METTL9: variants seen among roughly 807,000 people sequenced by gnomAD.
The protein encoded by METTL9 is methyltransferase 9, His-X-His N1(pi)-histidine.
Under a neutral mutation model 36.0 loss-of-function variants are expected in METTL9, and 10 were observed. The ratio of observed to expected loss-of-function variants is 0.28; its 90% CI spans 0.17 to 0.47. The LOEUF (loss-of-function observed/expected upper bound fraction) is 0.47, where lower values mean the gene tolerates loss of function less well. Ranked by LOEUF, METTL9 falls within the 20% of genes least tolerant of loss-of-function variation. The probability of loss-of-function intolerance (pLI) is 0.99; values close to 1 mark genes in which losing one functional copy is unlikely to be tolerated. For synonymous variants in METTL9, 175 were observed against 149.7 expected (o/e 1.17, Z -1.23); for missense variants, 246 against 383.5 (o/e 0.64, Z 3.00).
intron 2 of METTL9, among the ~76,000 whole-genome samples, chr16:21,613,699 G>T (rs72782875): frequency 6.6e-6 from 1 of 152,126 alleles, no homozygotes; most frequent in African/African-American, 2.4e-5. Context: ...GGCTTATTTT[G>T]AGTGAAGAGT....
At chr16:21,643,640 C>G in intron 4 of METTL9, 2 of 1,364,276 alleles carry the variant, frequency 1.5e-6, no homozygotes, top group Non-Finnish European at 2.1e-6. Flanking sequence ...ATTTTATGTA[C>G]TCATAACAAT....
At chr16:21,649,304 A>G (rs1286022346) in intron 4 of METTL9, among the ~76,000 whole-genome samples, 2 of 152,018 alleles carry the variant, frequency 1.3e-5, no homozygotes, top group African/African-American at 4.8e-5. Flanking sequence ...TCTTCTCATC[A>G]TGTTATATTT....
intron 4 of METTL9, chr16:21,647,496 TG>T: frequency 1.2e-6 from 2 of 1,604,948 alleles, no homozygotes; most frequent in South Asian, 2.2e-5. Flanking sequence ...ACAGCACCTG[TG>T]GGAGGAAGCA....
At chr16:21,611,316 T>TA (rs150285828) in intron 1 of METTL9, among the ~76,000 whole-genome samples, 1 of 152,328 alleles carries the variant, frequency 6.6e-6, no homozygotes, top group East Asian at 1.9e-4. Context: ...TCAGGAATGT[T>TA]ACTTAAGATT....
intron 4 of METTL9, chr16:21,643,027 G>C (rs367715461): frequency 7.7e-7 from 1 of 1,306,750 alleles, no homozygotes. Flanking sequence ...TTTTTCAAAC[G>C]TGCTTTATAT....
chr16:21,630,908 C>T (rs1341345231), intron 4 of METTL9, among the ~76,000 whole-genome samples: 4 of 152,102 alleles, frequency 2.6e-5, no homozygotes, highest in Non-Finnish European at 4.4e-5. Context: ...TTTCAGAAGC[C>T]TTTTCCTGTA....
In METTL9 at chr16:21,625,297, T is replaced by C. The variant is rs1965793390; in HGVS notation, c.751+182T>C. 3 of 649,712 alleles carry C rather than the reference T, an allele frequency of 4.6e-6. No homozygotes were observed. In the South Asian group the frequency reaches 5.6e-5, roughly 12 times the overall value. The allele number at this position is 649,712 out of a possible 1,614,324, so 40.2% of individuals were successfully genotyped here. A position where few individuals can be genotyped will look rare whatever the true frequency, so the allele number is the denominator to read the frequency against. ...AATGTTCACCTTAAGGTGGACTTTATAGAGGTCTAGCATTCCCCTTGCAGT... is the reference window on the plus strand; with the variant it reads ...AATGTTCACCTTAAGGTGGACTTTACAGAGGTCTAGCATTCCCCTTGCAGT... On this transcript the variant is annotated intron_variant, in intron 4 of 4. Transcript: ENST00000358154.
intron 3 of METTL9, 142 bp downstream of exon 3, chr16:21,618,216 C>T: frequency 1.4e-6 from 1 of 731,126 alleles, no homozygotes; most frequent in East Asian, 3.1e-5. Context: ...AAATAATCTT[C>T]TGGTAGCAGT....
intron 4 of METTL9, chr16:21,627,260 G>A (rs1965836634): frequency 1.0e-6 from 1 of 984,784 alleles, no homozygotes; most frequent in South Asian, 4.7e-5. Context: ...ACTGTTGGAG[G>A]ATATCTGAGT....
chr16:21,634,983 C>T (rs1195925508), intron 4 of METTL9, among the ~76,000 whole-genome samples: 2 of 152,256 alleles, frequency 1.3e-5, no homozygotes, highest in East Asian at 3.9e-4. Context: ...GGCTGGCTGA[C>T]CAGTAGGGAA....
At chr16:21,642,059 T>TG in intron 4 of METTL9, 1 of 152,514 alleles carries the variant, frequency 6.6e-6, no homozygotes, top group Non-Finnish European at 1.5e-5. Context: ...TTTTAGCGCT[T>TG]GCTTTGGCAG....
At chr16:21,610,286 ATGT>A (rs1965397331) in intron 1 of METTL9, among the ~76,000 whole-genome samples, 1 of 152,192 alleles carries the variant, frequency 6.6e-6, no homozygotes, top group African/African-American at 2.4e-5. Context: ...ACTTAGCATA[ATGT>A]TGTCAAGGTT....
At chr16:21,620,430 C>G (rs1206631173) in intron 3 of METTL9, among the ~76,000 whole-genome samples, 1 of 152,004 alleles carries the variant, frequency 6.6e-6, no homozygotes, top group Non-Finnish European at 1.5e-5. Context: ...AATCTGATTC[C>G]ACCTCCCCCC....
intron 4 of METTL9, chr16:21,652,643 A>C: frequency 6.6e-7 from 1 of 1,508,570 alleles, no homozygotes; most frequent in Non-Finnish European, 9.1e-7. Context: ...TTGAAAGGAA[A>C]GTTGGCTTTC....
intron 1 of METTL9, among the ~76,000 whole-genome samples, chr16:21,608,579 G>A (rs1051941415): frequency 1.3e-5 from 2 of 152,118 alleles, no homozygotes; most frequent in African/African-American, 4.8e-5. Flanking sequence ...CCATGTATGG[G>A]TTCTCAAGCA....
At chr16:21,614,433 T>C (rs1965504497) in intron 2 of METTL9, among the ~76,000 whole-genome samples, 1 of 152,174 alleles carries the variant, frequency 6.6e-6, no homozygotes, top group African/African-American at 2.4e-5. Context: ...TAAAATTCCG[T>C]GCTCTAGAAT....
At chr16:21,614,500 C>G (rs920056888) in intron 2 of METTL9, among the ~76,000 whole-genome samples, 1 of 152,278 alleles carries the variant, frequency 6.6e-6, no homozygotes, top group South Asian at 2.1e-4. Flanking sequence ...GCTTCCCTTA[C>G]TTAAAACTCT....
chr16:21,623,640 A>G (rs950610287), intron 3 of METTL9, among the ~76,000 whole-genome samples: 5 of 152,180 alleles, frequency 3.3e-5, no homozygotes, highest in African/African-American at 1.2e-4. Flanking sequence ...TAGAGGACTG[A>G]AAATGTTCTC....
chr16:21,619,148 T>C (rs557300450), intron 3 of METTL9, among the ~76,000 whole-genome samples: 3 of 152,304 alleles, frequency 2.0e-5, no homozygotes, highest in Non-Finnish European at 1.5e-5. Context: ...AGATACCGAC[T>C]TGAGCCCCTA....
Sources: gnomAD v4.1 joint callset for allele counts (sites outside exome capture counted in the v4.1 genomes callset) on GRCh38, gnomAD v4.1.1 for gene constraint, MANE v1.5 for transcripts, NCBI Gene and HGNC (gene_info 2026-07-23, HGNC 2026-07-21) for gene names.